The following LDAF1 variants were observed in gnomAD, a reference collection of about 807,000 sequenced individuals.
LDAF1 encodes the protein lipid droplet assembly factor 1.
Under a neutral mutation model 13.5 loss-of-function variants are expected in LDAF1, and 7 were observed. That is an observed-to-expected ratio of 0.52 (90% CI 0.29 to 0.97). The LOEUF (loss-of-function observed/expected upper bound fraction) is 0.97. LDAF1 is among the 50% of genes least tolerant of loss of function. The pLI, the probability that LDAF1 is intolerant of heterozygous loss-of-function variation, is 0.07. For missense variants in LDAF1, 148 were observed against 193.2 expected (o/e 0.77, Z 1.39); for synonymous variants, 69 against 77.1 (o/e 0.89, Z 0.55).
intron 2 of LDAF1, chr16:21,165,510 GTC>G (rs1158767652): frequency 2.4e-6 from 2 of 836,094 alleles, no homozygotes; most frequent in Non-Finnish European, 2.9e-6. Context: ...CAGTCCCTAA[GTC>G]CTGTGTATTC....
chr16:21,166,640 G>A (rs2093026811), intron 2 of LDAF1, among the ~76,000 whole-genome samples: 1 of 152,186 alleles, frequency 6.6e-6, no homozygotes, highest in South Asian at 2.1e-4. Context: ...GTGTACTGCT[G>A]CCTCCCTTTC....
intron 2 of LDAF1, chr16:21,170,208 G>T: frequency 3.6e-6 from 2 of 553,568 alleles, no homozygotes; most frequent in Non-Finnish European, 4.6e-6. Flanking sequence ...TCATCATGTT[G>T]GTCAGGCTGG....
At chr16:21,163,866 G>T (rs2092999917) in intron 2 of LDAF1, among the ~76,000 whole-genome samples, 1 of 151,858 alleles carries the variant, frequency 6.6e-6, no homozygotes, top group African/African-American at 2.4e-5. Flanking sequence ...TTGTTTGTTT[G>T]TTTTTGTATT....
At chr16:21,165,566 T>A in intron 2 of LDAF1, 1 of 983,306 alleles carries the variant, frequency 1.0e-6, no homozygotes, top group Non-Finnish European at 1.2e-6. Context: ...CCCCTCCCCC[T>A]TCTCTTCCCT....
At chr16:21,160,687 A>G (rs2092962351) in intron 1 of LDAF1, among the ~76,000 whole-genome samples, 1 of 152,188 alleles carries the variant, frequency 6.6e-6, no homozygotes, top group Admixed American at 6.5e-5. Context: ...TACTATTAAC[A>G]TTTTATCATC....
rs144317419 is a variant in LDAF1 at position 21,170,409 on chromosome 16, T to A, written c.97-28T>A. ...ACCTGGGGTTCCGATGTGTTACTTA[T>A]CCCTGGCTCTTTGTCCTTTGCCTAC... is the stretch of plus-strand genomic sequence containing the variant. On this transcript the variant is annotated intron_variant, in intron 2 of 4. Transcript: ENST00000233047. 1.8e-4 allele frequency: 295 copies of A among 1,613,220 alleles called. 8 individuals carry two copies. The South Asian group carries it at 2.4e-3, about 13-fold the overall frequency.
chr16:21,163,517 C>T (rs1010067171), intron 2 of LDAF1, among the ~76,000 whole-genome samples: 3 of 152,062 alleles, frequency 2.0e-5, no homozygotes, highest in Non-Finnish European at 4.4e-5. Context: ...TGGTGGTGTG[C>T]GCCTGTAATC....
rs371908390 is a variant in LDAF1 at position 21,170,755 on chromosome 16, G to C, written c.265+150G>C. ...TCCTGGGCTCAAGTGATCCTCCCAC[G>C]TCGGCCTGCCAAAGTGCTGGGATTA... On this transcript the variant is annotated intron_variant, in intron 3 of 4. Coordinates refer to ENST00000233047, the MANE Select transcript of LDAF1 (RefSeq NM_001301771.2). 179 of 915,096 alleles carry C rather than the reference G, an allele frequency of 2.0e-4. 6 individuals carry two copies. In the South Asian group the frequency reaches 2.2e-3, roughly 11 times the overall value. The allele number at this position is 915,096 out of a possible 1,614,324, so 56.7% of individuals were successfully genotyped here.
intron 2 of LDAF1, chr16:21,169,063 A>G: frequency 2.9e-6 from 1 of 343,634 alleles, no homozygotes; most frequent in Non-Finnish European, 4.1e-6. Context: ...AATAATAGAC[A>G]AGTGATTAGC....
At chr16:21,166,872 T>C (rs1451938564) in intron 2 of LDAF1, 1 of 1,535,744 alleles carries the variant, frequency 6.5e-7, no homozygotes, top group African/African-American at 1.4e-5. Flanking sequence ...CACTGGACTC[T>C]GATGATGGAG....
Position 21,161,181 on chromosome 16 carries a change from G to A in LDAF1, c.-2G>A. The A allele has an allele frequency of 6.2e-7, 1 of 1,614,136 alleles. No homozygotes were observed. The highest frequency in any genetic ancestry group is 8.5e-7 in the Non-Finnish European group (1 of 1,180,026). ...CCTAAAGAGATTGAAGTGAGCTTCA[G>A]AATGGCAAAAGAGGAGCCCCAGAGT... On this transcript the variant is annotated 5_prime_UTR_variant, in exon 2 of 5. Coordinates refer to ENST00000233047, the MANE Select transcript of LDAF1 (RefSeq NM_001301771.2).
chr16:21,175,399 T>C (rs2093130094), intron 4 of LDAF1, among the ~76,000 whole-genome samples: 2 of 151,352 alleles, frequency 1.3e-5, no homozygotes, highest in Admixed American at 6.6e-5. Context: ...TCCAAAGCCC[T>C]CTTAATCAAG....
At chr16:21,168,603 C>A (rs2093049673) in intron 2 of LDAF1, among the ~76,000 whole-genome samples, 5 of 138,324 alleles carry the variant, frequency 3.6e-5, no homozygotes, top group Admixed American at 7.4e-5. Flanking sequence ...TATAATAATG[C>A]TATATGAATA....
chr16:21,169,008 TATA>T (rs1343831940), intron 2 of LDAF1: 1 of 144,348 alleles, frequency 6.9e-6, no homozygotes, highest in Non-Finnish European at 1.5e-5. Context: ...ATTATTATAT[TATA>T]ATTATAATTA....
chr16:21,179,667 T>A lies in LDAF1; in HGVS notation c.*111T>A. 2.2e-6 allele frequency: 2 copies of A among 889,454 alleles called. No homozygotes were observed. Among genetic ancestry groups the A allele is most frequent in the Non-Finnish European group, 1.7e-6 (1 of 583,934 alleles). 55.1% of individuals were successfully genotyped at this position (889,454 alleles called of 1,614,324 possible). ...GGTAGGCAAGCACTCCTTGGCTGTG[T>A]CCTCTCGCTTTTTCACTTACTTGTA... On this transcript the variant is annotated 3_prime_UTR_variant, in exon 5 of 5. Transcript: ENST00000233047.
chr16:21,167,087 G>A (rs2093031486), intron 2 of LDAF1, among the ~76,000 whole-genome samples: 1 of 152,186 alleles, frequency 6.6e-6, no homozygotes, highest in African/African-American at 2.4e-5. Context: ...AGGAGACCAC[G>A]CTGAAGCCCA....
At chr16:21,161,344 A>G in intron 2 of LDAF1, 66 bp downstream of exon 2, 4 of 1,552,538 alleles carry the variant, frequency 2.6e-6, no homozygotes, top group East Asian at 2.3e-5. Flanking sequence ...CAAGATAGAA[A>G]GTTATTTCTT....
chr16:21,163,027 A>C (rs923601775), intron 2 of LDAF1, among the ~76,000 whole-genome samples: 2 of 152,228 alleles, frequency 1.3e-5, no homozygotes, highest in Non-Finnish European at 2.9e-5. Context: ...GTTGATCATT[A>C]ACGTTGAACT....
At chr16:21,168,973 TTATA>T (rs1179360975) in intron 2 of LDAF1, among the ~76,000 whole-genome samples, 2 of 127,034 alleles carry the variant, frequency 1.6e-5, no homozygotes, top group Non-Finnish European at 3.1e-5. Context: ...ATATATTATA[TTATA>T]TATAATTATA....
Sources: gnomAD v4.1 joint callset for allele counts (sites outside exome capture counted in the v4.1 genomes callset) on GRCh38, gnomAD v4.1.1 for gene constraint, MANE v1.5 for transcripts, NCBI Gene and HGNC (gene_info 2026-07-23, HGNC 2026-07-21) for gene names.